Variants in ELMO1 observed in about 807,000 individuals in gnomAD.
ELMO1 encodes engulfment and cell motility protein 1.
In ELMO1, 26 loss-of-function variants were observed where a neutral mutation model predicts 98.9. The ratio of observed to expected loss-of-function variants is 0.26; its 90% CI spans 0.19 to 0.36. The LOEUF is 0.36. Ranked by LOEUF, ELMO1 falls within the 10% of genes least tolerant of loss-of-function variation. The probability of loss-of-function intolerance (pLI) is 1.00; values close to 1 mark genes in which losing one functional copy is unlikely to be tolerated. For synonymous variants in ELMO1, 346 were observed against 346.0 expected (o/e 1.00, Z 0.00); for missense variants, 627 against 935.2 (o/e 0.67, Z 4.30).
At chr7:36,874,091 C>T (rs1157767781) in intron 19 of ELMO1, among the ~76,000 whole-genome samples, 3 of 152,176 alleles carry the variant, frequency 2.0e-5, no homozygotes, top group Non-Finnish European at 4.4e-5. Context: ...AATCAGAGTG[C>T]CAGGGTTTGA....
At chr7:36,973,900 G>A (rs1195711572) in intron 16 of ELMO1, among the ~76,000 whole-genome samples, 1 of 152,246 alleles carries the variant, frequency 6.6e-6, no homozygotes, top group Non-Finnish European at 1.5e-5. Flanking sequence ...GCTGCAGAGG[G>A]TGTACTGGGT....
chr7:37,377,688 G>A (rs1406042631), intron 1 of ELMO1, among the ~76,000 whole-genome samples: 1 of 152,086 alleles, frequency 6.6e-6, no homozygotes, highest in Non-Finnish European at 1.5e-5. Context: ...GGGATTAACA[G>A]CCCACCAAAG....
intron 16 of ELMO1, among the ~76,000 whole-genome samples, chr7:36,907,837 C>T (rs1784071536): frequency 6.6e-6 from 1 of 152,184 alleles, no homozygotes; most frequent in African/African-American, 2.4e-5. Context: ...TGAACCTGGA[C>T]TCTGTCTGCA....
intron 1 of ELMO1, among the ~76,000 whole-genome samples, chr7:37,408,846 G>T (rs375735020): frequency 6.6e-6 from 1 of 152,228 alleles, no homozygotes; most frequent in East Asian, 1.9e-4. Context: ...GCGTAAGAAT[G>T]TGCATATAGT....
intron 16 of ELMO1, among the ~76,000 whole-genome samples, chr7:36,953,991 A>G (rs907555026): frequency 2.0e-5 from 3 of 152,134 alleles, no homozygotes; most frequent in African/African-American, 7.2e-5. Flanking sequence ...TCTTGTAGTA[A>G]AAATTAAAAT....
At chr7:37,291,231 C>A (rs1378927107) in intron 4 of ELMO1, among the ~76,000 whole-genome samples, 1 of 152,082 alleles carries the variant, frequency 6.6e-6, no homozygotes. Flanking sequence ...AGATTGATGA[C>A]CTATATGAAA....
chr7:37,158,538 C>A (rs1231879444), intron 13 of ELMO1, among the ~76,000 whole-genome samples: 1 of 152,188 alleles, frequency 6.6e-6, no homozygotes, highest in Non-Finnish European at 1.5e-5. Context: ...ATGCAGCCAA[C>A]AGCCATATGA....
intron 5 of ELMO1, among the ~76,000 whole-genome samples, chr7:37,260,546 G>A (rs1795927166): frequency 6.6e-6 from 1 of 152,150 alleles, no homozygotes; most frequent in South Asian, 2.1e-4. Flanking sequence ...CAGGTCCACA[G>A]CCACAGAGCC....
intron 16 of ELMO1, among the ~76,000 whole-genome samples, chr7:37,004,166 TA>T (rs935988326): frequency 6.6e-5 from 10 of 152,166 alleles, no homozygotes; most frequent in African/African-American, 2.4e-4. Flanking sequence ...CCCTTTAATT[TA>T]AAATGCCTAA....
intron 13 of ELMO1, among the ~76,000 whole-genome samples, chr7:37,152,606 C>T (rs374341194): frequency 1.2e-4 from 18 of 152,144 alleles, no homozygotes; most frequent in African/African-American, 4.1e-4. Context: ...TGTATACACA[C>T]GATCGTAAAA....
At chr7:36,962,852 G>C (rs1383004891) in intron 16 of ELMO1, among the ~76,000 whole-genome samples, 1 of 152,070 alleles carries the variant, frequency 6.6e-6, no homozygotes, top group Non-Finnish European at 1.5e-5. Flanking sequence ...GTGAGACATA[G>C]AATCACAAAT....
Position 37,364,384 on chromosome 7 carries a change from T to C in ELMO1, c.-73-21621A>G, listed in dbSNP as rs548943930. Among the ~76,000 whole-genome samples, 200 of 152,348 alleles carry C rather than the reference T, an allele frequency of 1.3e-3. 1 individual carries two copies. Among genetic ancestry groups the C allele is most frequent in the African/African-American group, 4.5e-3 (187 of 41,578 alleles). The stretch of plus-strand genomic sequence containing the variant: ...CAGTTTCAGACAACAAGCAAGAATA[T>C]TGAAACATATTTATTCTTAAACTAG... On this transcript the variant is annotated intron_variant, in intron 1 of 21. Transcript: ENST00000310758.
chr7:37,302,566 C>T (rs1270827383), intron 4 of ELMO1, among the ~76,000 whole-genome samples: 1 of 152,040 alleles, frequency 6.6e-6, no homozygotes, highest in Non-Finnish European at 1.5e-5. Context: ...GTCTTTGAGG[C>T]ATCCAAGCCC....
chr7:37,205,713 G>T (rs1188102917), intron 13 of ELMO1, among the ~76,000 whole-genome samples: 2 of 152,118 alleles, frequency 1.3e-5, no homozygotes, highest in Non-Finnish European at 2.9e-5. Flanking sequence ...TTCGACTTCA[G>T]CTGGAACATC....
Position 37,067,257 on chromosome 7 carries a change from G to C in ELMO1, c.1300+29362C>G, listed in dbSNP as rs148228374. On this transcript the variant is annotated intron_variant, in intron 15 of 21. Transcript: ENST00000310758. ...TGAGAGTAAACATTCTGATCACATG[G>C]TGCTAAGGTGCCCCATCAATTGAAA... is the stretch of plus-strand genomic sequence containing the variant. 3.7e-3 allele frequency among the ~76,000 whole-genome samples: 569 copies of C among 152,224 alleles called. 5 individuals carry two copies. In the Middle Eastern group the frequency reaches 0.041, roughly 11 times the overall value.
In ELMO1 at chr7:36,991,282, A is replaced by G. The variant is rs191789094; in HGVS notation, c.1437+22017T>C. On this transcript the variant is annotated intron_variant, in intron 16 of 21. Transcript: ENST00000310758. The stretch of plus-strand genomic sequence containing the variant: ...CACGTGCACATGCATGAGCCCACAC[A>G]CATAAAACACACTGATATCGTTTCC... 1.8e-3 allele frequency among the ~76,000 whole-genome samples: 269 copies of G among 152,224 alleles called. 1 individual carries two copies. Among genetic ancestry groups the G allele is most frequent in the Non-Finnish European group, 3.0e-3 (206 of 68,006 alleles).
chr7:37,175,993 T>C lies in ELMO1; in HGVS notation c.1086+35393A>G, dbSNP rs976664383. ...CCTGAAAATGATTTTCACAGCAGCA[T>C]AGGATTCAGATTAGACACAAGAAAG... On this transcript the variant is annotated intron_variant, in intron 13 of 21. Coordinates refer to ENST00000310758, the MANE Select transcript of ELMO1 (RefSeq NM_014800.11). 4.6e-5 allele frequency among the ~76,000 whole-genome samples: 7 copies of C among 152,300 alleles called. No homozygotes were observed. The East Asian group carries it at 9.6e-4, about 21-fold the overall frequency.
At chr7:37,298,528 C>T (rs1029656230) in intron 4 of ELMO1, among the ~76,000 whole-genome samples, 1 of 148,170 alleles carries the variant, frequency 6.7e-6, no homozygotes, top group Non-Finnish European at 1.5e-5. Flanking sequence ...TGTTCAATTC[C>T]CACCTATGAG....
chr7:37,222,139 C>T (rs150260724), intron 10 of ELMO1, among the ~76,000 whole-genome samples: 3 of 152,310 alleles, frequency 2.0e-5, no homozygotes, highest in Non-Finnish European at 4.4e-5. Flanking sequence ...TGCATATTAT[C>T]CCTCCTGTCC....
Sources: allele counts gnomAD v4.1 joint callset (sites outside exome capture counted in the v4.1 genomes callset), GRCh38; gene constraint gnomAD v4.1.1; transcripts MANE v1.5; gene names NCBI Gene and HGNC (gene_info 2026-07-23, HGNC 2026-07-21).